The following BEST3 variants were observed in gnomAD, a reference collection of about 807,000 sequenced individuals.
The protein encoded by BEST3 is bestrophin 3, also known as bestrophin-3.
Under a neutral mutation model 47.1 loss-of-function variants are expected in BEST3, and 50 were observed. The ratio of observed to expected loss-of-function variants is 1.06; its 90% CI spans 0.85 to 1.34. The LOEUF (loss-of-function observed/expected upper bound fraction) is 1.34, where lower values mean the gene tolerates loss of function less well. Among genes scored for constraint, BEST3 ranks in the 40% most tolerant of loss-of-function variants. The probability of loss-of-function intolerance (pLI) is 0.00; values close to 1 mark genes in which losing one functional copy is unlikely to be tolerated. For synonymous variants in BEST3, 282 were observed against 298.8 expected (o/e 0.94, Z 0.58); for missense variants, 765 against 817.0 (o/e 0.94, Z 0.78).
downstream of BEST3, among the ~76,000 whole-genome samples, chr12:69,651,526 A>C (rs940318902): frequency 6.6e-6 from 1 of 152,188 alleles, no homozygotes. Context: ...TAATCCCAGC[A>C]CTTTGGGAGG....
At chr12:69,668,201 C>T (rs546492594) in intron 9 of BEST3, among the ~76,000 whole-genome samples, 9 of 152,088 alleles carry the variant, frequency 5.9e-5, no homozygotes, top group Non-Finnish European at 8.8e-5. Flanking sequence ...TTAGAATATC[C>T]GGGTTATGGG....
chr12:69,643,580 C>G (rs1882941375), exon 10 of BEST3: 2 of 548,616 alleles, frequency 3.6e-6, no homozygotes, highest in Non-Finnish European at 6.7e-6. Flanking sequence ...TTAGGAACTC[C>G]ACATGCCTGG....
rs895482771 is a variant in BEST3 at position 69,676,368 on chromosome 12, G to C, written c.867+548C>G. The stretch of plus-strand genomic sequence containing the variant: ...GGAGGTTGCAGTGAGCTGAGATTGC[G>C]TTACTGTACTCCATCCTGGACGACA... On this transcript the variant is annotated intron_variant, in intron 7 of 9. Transcript: ENST00000330891. Among the ~76,000 whole-genome samples, 2 of 151,230 alleles carry C rather than the reference G, an allele frequency of 1.3e-5. 1 individual carries two copies. Among genetic ancestry groups the C allele is most frequent in the South Asian group, 4.2e-4 (2 of 4,800 alleles).
chr12:69,657,387 C>T (rs939594001), intron 9 of BEST3, among the ~76,000 whole-genome samples: 2 of 152,176 alleles, frequency 1.3e-5, no homozygotes, highest in Non-Finnish European at 1.5e-5. Flanking sequence ...TGAGCCACCA[C>T]ACTTGGCCAA....
intron 7 of BEST3, among the ~76,000 whole-genome samples, chr12:69,675,246 C>T (rs755350834): frequency 8.6e-5 from 13 of 151,940 alleles, no homozygotes; most frequent in Admixed American, 2.6e-4. Context: ...CAGCCTCCCA[C>T]GTATGTGGGA....
rs546229781 is a variant in BEST3 at position 69,646,504 on chromosome 12, A to T, written c.1101-2717T>A. Among the ~76,000 whole-genome samples, 12 of 152,042 alleles carry T rather than the reference A, an allele frequency of 7.9e-5. No homozygotes were observed. In the South Asian group the frequency reaches 2.5e-3, roughly 32 times the overall value. Reference sequence around the variant, plus strand: ...CTAATCCCTGGAGATGCACTGGTTGAAAAAGCCAGTGAATGGAGCTTACAT... The same window carrying T: ...CTAATCCCTGGAGATGCACTGGTTGTAAAAGCCAGTGAATGGAGCTTACAT... On this transcript the variant is annotated intron_variant, in intron 9 of 9. Coordinates refer to the BEST3 transcript ENST00000331471.
chr12:69,679,999 AAGAG>A (rs1228584860), intron 4 of BEST3, among the ~76,000 whole-genome samples: 3 of 151,936 alleles, frequency 2.0e-5, no homozygotes, highest in Admixed American at 1.3e-4. Context: ...TCATCTGTAA[AAGAG>A]AGATAATATT....
Position 69,654,275 on chromosome 12 carries a change from T to C in BEST3, c.*632A>G. 1.0e-6 allele frequency: 1 copy of C among 984,616 alleles called. No individual in the cohort carries two copies. The highest frequency in any genetic ancestry group is 1.2e-6 in the Non-Finnish European group (1 of 829,436). 61.0% of individuals were successfully genotyped at this position (984,616 alleles called of 1,614,324 possible). ...GGGAGAAGGGAAGGGAAAAAAAGGA[T>C]GACAGAATAAAAGGAAAAGAGAGAA... On this transcript the variant is annotated 3_prime_UTR_variant, in exon 10 of 10. Coordinates refer to ENST00000330891, the MANE Select transcript of BEST3 (RefSeq NM_032735.3).
At chr12:69,668,960 C>T (rs574694948) in intron 9 of BEST3, among the ~76,000 whole-genome samples, 200 of 152,232 alleles carry the variant, frequency 1.3e-3, no homozygotes, top group African/African-American at 4.7e-3. Context: ...CTGCCTGAAA[C>T]CTGAGCCAGT....
intron 4 of BEST3, among the ~76,000 whole-genome samples, chr12:69,682,081 CAAA>C (rs35331064): frequency 2.0e-5 from 2 of 102,322 alleles, no homozygotes; most frequent in Non-Finnish European, 1.8e-5. Flanking sequence ...GACTCCGTCT[CAAA>C]AAAAAAAAAA....
rs182336681 is a variant in BEST3 at position 69,666,643 on chromosome 12, G to A, written c.1100+4785C>T. ...CCTTCGTATTCTGCTCTGTTTCCTTGATACTGTTCTGATTGCTCCCACCCA... is the reference window on the plus strand; with the variant it reads ...CCTTCGTATTCTGCTCTGTTTCCTTAATACTGTTCTGATTGCTCCCACCCA... On this transcript the variant is annotated intron_variant, in intron 9 of 9. Coordinates refer to ENST00000330891, the MANE Select transcript of BEST3 (RefSeq NM_032735.3). 4.2e-3 allele frequency among the ~76,000 whole-genome samples: 635 copies of A among 152,140 alleles called. 5 individuals carry two copies. Among genetic ancestry groups the A allele is most frequent in the African/African-American group, 0.015 (619 of 41,476 alleles).
intron 4 of BEST3, among the ~76,000 whole-genome samples, chr12:69,690,831 A>G (rs1795294350): frequency 6.6e-6 from 1 of 152,186 alleles, no homozygotes; most frequent in South Asian, 2.1e-4. Context: ...ATTTTTAACT[A>G]GGTCATTCTG....
At chr12:69,657,795 T>A (rs1883600874) in intron 9 of BEST3, among the ~76,000 whole-genome samples, 1 of 152,190 alleles carries the variant, frequency 6.6e-6, no homozygotes, top group Admixed American at 6.5e-5. Flanking sequence ...ATGACTGAGA[T>A]GATTAACTGG....
At chr12:69,649,735 T>C (rs1883150553), downstream of BEST3, among the ~76,000 whole-genome samples, 1 of 152,172 alleles carries the variant, frequency 6.6e-6, no homozygotes, top group Non-Finnish European at 1.5e-5. Flanking sequence ...CCAGAAATAC[T>C]CCCCAGCCTG....
chr12:69,645,627 C>A (rs1883007483), intron 9 of BEST3, among the ~76,000 whole-genome samples: 1 of 152,212 alleles, frequency 6.6e-6, no homozygotes, highest in African/African-American at 2.4e-5. Flanking sequence ...CCTAGGGGAC[C>A]TGTGTTCAAA....
At position 69,654,084 on chromosome 12, in the gene BEST3, G is replaced by A; in HGVS notation, c.*823C>T. On this transcript the variant is annotated 3_prime_UTR_variant, in exon 10 of 10. Coordinates refer to ENST00000330891, the MANE Select transcript of BEST3 (RefSeq NM_032735.3). The stretch of plus-strand genomic sequence containing the variant: ...TATGCCTTCCACTGGAAGTGAGACT[G>A]GAAGGGTATCAGGCTGGATTTGTTG... The A allele has an allele frequency of 3.0e-6, 3 of 985,416 alleles. No individual in the cohort carries two copies. The highest frequency in any genetic ancestry group is 3.6e-6 in the Non-Finnish European group (3 of 829,918). The allele number at this position is 985,416 out of a possible 1,614,324, so 61.0% of individuals were successfully genotyped here.
intron 4 of BEST3, among the ~76,000 whole-genome samples, chr12:69,685,673 C>T (rs148510191): frequency 6.6e-6 from 1 of 152,146 alleles, no homozygotes; most frequent in Middle Eastern, 3.2e-3. Context: ...TGCAGTGCTT[C>T]TAGGGAGCCT....
In BEST3 at chr12:69,693,912, A is replaced by G; in HGVS notation, c.248-5T>C. ...CTACCAGAGTAACATAAAACCCTGT[A>G]GAATAACAGGAAATTATAAAGCAGT... On this transcript the variant is annotated splice_polypyrimidine_tract_variant and splice_region_variant and intron_variant, in intron 3 of 9. Coordinates refer to ENST00000330891, the MANE Select transcript of BEST3 (RefSeq NM_032735.3). 4 of 1,582,980 alleles carry G rather than the reference A, an allele frequency of 2.5e-6. No individual in the cohort carries two copies. The highest frequency in any genetic ancestry group is 3.5e-6 in the Non-Finnish European group (4 of 1,158,154).
chr12:69,656,527 A>G (rs1228294444), intron 9 of BEST3, among the ~76,000 whole-genome samples: 1 of 152,108 alleles, frequency 6.6e-6, no homozygotes, highest in African/African-American at 2.4e-5. Context: ...CCCAGCTCAC[A>G]TTTATTGACT....
Sources: gnomAD v4.1 joint callset for allele counts (sites outside exome capture counted in the v4.1 genomes callset) on GRCh38, gnomAD v4.1.1 for gene constraint, MANE v1.5 for transcripts, NCBI Gene and HGNC (gene_info 2026-07-23, HGNC 2026-07-21) for gene names.